The following GRIA1 variants were observed in gnomAD, a reference collection of about 807,000 sequenced individuals.
The protein encoded by GRIA1 is glutamate ionotropic receptor AMPA type subunit 1.
Under a neutral mutation model 99.2 loss-of-function variants are expected in GRIA1, and 31 were observed. That is an observed-to-expected ratio of 0.31 (90% CI 0.23 to 0.42). The LOEUF is 0.42. GRIA1 is among the 10% of genes least tolerant of loss of function. The probability of loss-of-function intolerance (pLI) is 1.00; values close to 1 mark genes in which losing one functional copy is unlikely to be tolerated. For synonymous variants in GRIA1, 438 were observed against 432.4 expected, an observed-to-expected ratio of 1.01 and a Z score of -0.16; for missense variants, 782 against 1,157.5, an observed-to-expected ratio of 0.68 and a Z score of 4.71.
rs763898884 is a variant in GRIA1, at chr5:153,686,340, C to A, written c.1134+11C>A. 7.5e-6 allele frequency: 12 copies of A among 1,597,362 alleles called. No individual in the cohort carries two copies. Among genetic ancestry groups the A allele is most frequent in the African/African-American group, 1.3e-5 (1 of 74,530 alleles). Reference sequence around the variant, plus strand: ...GACGGCATCCGAAAGGTAAGGTCCCCCTTTACTTCTGTTCTGCAGAGAGAA... The same window carrying A: ...GACGGCATCCGAAAGGTAAGGTCCCACTTTACTTCTGTTCTGCAGAGAGAA... On this transcript the variant is annotated intron_variant, in intron 8 of 15. Coordinates refer to ENST00000285900, the MANE Select transcript of GRIA1 (RefSeq NM_000827.4).
intron 2 of GRIA1, among the ~76,000 whole-genome samples, chr5:153,560,536 G>A (rs1364758610): frequency 1.3e-5 from 2 of 152,176 alleles, no homozygotes; most frequent in Non-Finnish European, 2.9e-5. Flanking sequence ...CAGTGAATAA[G>A]TCTCATGAGA....
At chr5:153,705,662 ATTTTTTTTTTT>A (rs70978505) in intron 10 of GRIA1, 24 bp from the exon 11 acceptor site, 112 of 752,588 alleles carry the variant, frequency 1.5e-4, no homozygotes, top group Middle Eastern at 1.5e-3. Context: ...GCTCACCTGC[ATTTTTTTTTTT>A]TTTTTTTTTT....
At chr5:153,786,635 C>G (rs947711929) in intron 13 of GRIA1, among the ~76,000 whole-genome samples, 2 of 152,092 alleles carry the variant, frequency 1.3e-5, no homozygotes, top group Admixed American at 6.6e-5. Flanking sequence ...GCTTTATAAT[C>G]AAGTTGAAGA....
chr5:153,740,828 G>A (rs1761726896), intron 11 of GRIA1, among the ~76,000 whole-genome samples: 1 of 152,118 alleles, frequency 6.6e-6, no homozygotes, highest in Non-Finnish European at 1.5e-5. Flanking sequence ...GTTCCAGATG[G>A]CAGTTTCTCT....
In GRIA1 at chr5:153,574,964, C is replaced by A. The variant is rs572805551; in HGVS notation, c.221-71964C>A. Among the ~76,000 whole-genome samples, 9 of 152,204 alleles carry A rather than the reference C, an allele frequency of 5.9e-5. No individual in the cohort carries two copies. In the South Asian group the frequency reaches 1.7e-3, roughly 28 times the overall value. The stretch of plus-strand genomic sequence containing the variant: ...AAACAGTGATTAAGAGGGAGAGACA[C>A]CCACAAAGAAAGAAATAGTTTGTGC... On this transcript the variant is annotated intron_variant, in intron 2 of 15. Coordinates refer to ENST00000285900, the MANE Select transcript of GRIA1 (RefSeq NM_000827.4).
intron 2 of GRIA1, among the ~76,000 whole-genome samples, chr5:153,498,677 T>C (rs1754674338): frequency 6.6e-6 from 1 of 151,680 alleles, no homozygotes; most frequent in Admixed American, 6.6e-5. Flanking sequence ...TTGTTTTTCT[T>C]GACCTACACA....
chr5:153,537,963 G>C (rs938058250), intron 2 of GRIA1, among the ~76,000 whole-genome samples: 34 of 152,286 alleles, frequency 2.2e-4, no homozygotes, highest in Admixed American at 2.2e-3. Context: ...TCACCTAGAA[G>C]GGGGAGGCAC....
chr5:153,706,524 C>G (rs1464126563), intron 11 of GRIA1, among the ~76,000 whole-genome samples: 3 of 152,144 alleles, frequency 2.0e-5, no homozygotes, highest in Admixed American at 2.0e-4. Context: ...GAATATCTTG[C>G]CAATGTTACA....
At chr5:153,665,726 T>C (rs1027643028) in intron 5 of GRIA1, among the ~76,000 whole-genome samples, 1 of 152,176 alleles carries the variant, frequency 6.6e-6, no homozygotes, top group African/African-American at 2.4e-5. Context: ...TTCCAAACTT[T>C]TTAGTTTGAG....
At chr5:153,560,414 A>AT (rs1348074413) in intron 2 of GRIA1, among the ~76,000 whole-genome samples, 1 of 152,174 alleles carries the variant, frequency 6.6e-6, no homozygotes, top group African/African-American at 2.4e-5. Flanking sequence ...TGGTGTGGCT[A>AT]TATCAAATCT....
chr5:153,674,680 AGCAGCAAAGGGCCAGCCT>A lies in GRIA1; in HGVS notation c.861+21_861+38del. On this transcript the variant is annotated intron_variant, in intron 6 of 15. Coordinates refer to ENST00000285900, the MANE Select transcript of GRIA1 (RefSeq NM_000827.4). ...ACCCAAGGTGAGTGGATGGGCAGCC[AGCAGCAAAGGGCCAGCCT>A]GGTCCCTTTGCCTGCCCCAGATTTC... 6.2e-7 allele frequency: 1 copy of A among 1,612,894 alleles called. No homozygotes were observed. The highest frequency in any genetic ancestry group is 8.5e-7 in the Non-Finnish European group (1 of 1,179,192).
chr5:153,595,146 G>A (rs1361699712), intron 2 of GRIA1, among the ~76,000 whole-genome samples: 4 of 151,834 alleles, frequency 2.6e-5, no homozygotes, highest in African/African-American at 9.7e-5. Context: ...TTATTATTTT[G>A]CTGTGATTTA....
chr5:153,581,304 T>C (rs1450096244), intron 2 of GRIA1, among the ~76,000 whole-genome samples: 3 of 152,242 alleles, frequency 2.0e-5, no homozygotes, highest in Non-Finnish European at 2.9e-5. Flanking sequence ...TTAAACATTC[T>C]ATCATGGCTT....
intron 2 of GRIA1, among the ~76,000 whole-genome samples, chr5:153,520,559 G>T (rs944343295): frequency 2.0e-5 from 3 of 152,130 alleles, no homozygotes; most frequent in African/African-American, 7.2e-5. Context: ...CTTTGTGGGG[G>T]CCCATGGATA....
At position 153,780,816 on chromosome 5, in the gene GRIA1, A is replaced by G. The variant is rs539843412; in HGVS notation, c.2270+10401A>G. ...CACCATCTCTTCTGTTTGTGTGAGT[A>G]TCTGACCCAAATTAGTGGCAATTAC... On this transcript the variant is annotated intron_variant, in intron 13 of 15. Coordinates refer to ENST00000285900, the MANE Select transcript of GRIA1 (RefSeq NM_000827.4). Among the ~76,000 whole-genome samples the G allele has an allele frequency of 2.0e-5, 3 of 152,232 alleles. No individual in the cohort carries two copies. In the East Asian group the frequency reaches 5.8e-4, roughly 29 times the overall value.
chr5:153,721,765 CT>C (rs1364343112), intron 11 of GRIA1, among the ~76,000 whole-genome samples: 2 of 152,018 alleles, frequency 1.3e-5, no homozygotes, highest in Non-Finnish European at 2.9e-5. Flanking sequence ...TTCATTCTTT[CT>C]GGATGAACAT....
intron 2 of GRIA1, among the ~76,000 whole-genome samples, chr5:153,574,100 A>T (rs1283944440): frequency 6.6e-6 from 1 of 152,210 alleles, no homozygotes; most frequent in Admixed American, 6.5e-5. Flanking sequence ...TGGAAATGGG[A>T]GACTTCAACT....
intron 2 of GRIA1, among the ~76,000 whole-genome samples, chr5:153,639,502 G>C (rs937404859): frequency 6.6e-6 from 1 of 152,154 alleles, no homozygotes; most frequent in African/African-American, 2.4e-5. Flanking sequence ...AGCCTGGCTG[G>C]CTCCTTCTTA....
chr5:153,559,524 C>T (rs1760937250), intron 2 of GRIA1, among the ~76,000 whole-genome samples: 1 of 152,184 alleles, frequency 6.6e-6, no homozygotes, highest in South Asian at 2.1e-4. Flanking sequence ...GATCTCTCTA[C>T]ATGTGTAATA....
Sources: gnomAD v4.1 joint callset for allele counts (sites outside exome capture counted in the v4.1 genomes callset) on GRCh38, gnomAD v4.1.1 for gene constraint, MANE v1.5 for transcripts, NCBI Gene and HGNC (gene_info 2026-07-23, HGNC 2026-07-21) for gene names.